The following RASSF3 variants were observed in gnomAD, a reference collection of about 807,000 sequenced individuals.
RASSF3 encodes Ras association domain family member 3.
A neutral mutation model predicts 19.9 loss-of-function variants in RASSF3; 19 were observed. That is an observed-to-expected ratio of 0.96 (90% CI 0.67 to 1.40). The LOEUF (loss-of-function observed/expected upper bound fraction) is 1.40, where lower values mean the gene tolerates loss of function less well. RASSF3 is among the 40% of genes most tolerant of loss of function. The probability of loss-of-function intolerance (pLI) is 0.00; values close to 1 mark genes in which losing one functional copy is unlikely to be tolerated. For missense variants in RASSF3, 306 were observed against 289.8 expected, an observed-to-expected ratio of 1.06 and a Z score of -0.41; for synonymous variants, 110 against 104.2, an observed-to-expected ratio of 1.06 and a Z score of -0.34.
chr12:64,650,065 T>C (rs186827333), intron 1 of RASSF3, among the ~76,000 whole-genome samples: 43 of 152,342 alleles, frequency 2.8e-4, no homozygotes, highest in African/African-American at 1.0e-3. Flanking sequence ...CATTGTTTAG[T>C]GGGACCATTT....
intron 2 of RASSF3, among the ~76,000 whole-genome samples, chr12:64,577,956 T>C (rs1183230227): frequency 6.6e-6 from 1 of 151,654 alleles, no homozygotes; most frequent in African/African-American, 2.4e-5. Context: ...TGATGGCTCA[T>C]GCCTGTAATC....
chr12:64,688,894 A>G (rs1873465328), intron 3 of RASSF3, among the ~76,000 whole-genome samples: 1 of 152,216 alleles, frequency 6.6e-6, no homozygotes, highest in Admixed American at 6.5e-5. Flanking sequence ...CTGGGGAGGC[A>G]CATGTGCATC....
intron 1 of RASSF3, among the ~76,000 whole-genome samples, chr12:64,523,952 C>A (rs939215627): frequency 2.0e-5 from 3 of 151,934 alleles, no homozygotes; most frequent in African/African-American, 7.2e-5. Flanking sequence ...CTGAGCTCAT[C>A]GGGGTGACTA....
At chr12:64,559,238 CT>C (rs933679839) in intron 2 of RASSF3, among the ~76,000 whole-genome samples, 9 of 147,714 alleles carry the variant, frequency 6.1e-5, no homozygotes, top group African/African-American at 1.2e-4. Flanking sequence ...TTCTTTTCTT[CT>C]TTTTTTCTTT....
chr12:64,606,817 A>AAAAAC (rs370857118), upstream of RASSF3, among the ~76,000 whole-genome samples: 7 of 152,186 alleles, frequency 4.6e-5, no homozygotes, highest in African/African-American at 1.4e-4. Context: ...TGCGTCTCAA[A>AAAAAC]AAAACAAAAC....
intron 1 of RASSF3, among the ~76,000 whole-genome samples, chr12:64,657,545 AC>A (rs960238591): frequency 1.3e-5 from 2 of 152,218 alleles, no homozygotes; most frequent in Admixed American, 1.3e-4. Flanking sequence ...CAGGCCAGGC[AC>A]CCTTTTCAGT....
chr12:64,688,250 T>G lies in RASSF3; in HGVS notation c.254T>G (p.Val85Gly). The G allele has an allele frequency of 6.2e-7, 1 of 1,614,146 alleles. No individual in the cohort carries two copies. Among genetic ancestry groups the G allele is most frequent in the Non-Finnish European group, 8.5e-7 (1 of 1,179,956 alleles). ...GGGATTTACACTGGCTTCATTAAAG[T>G]ACAGATGGAACTCTGCAAACCTCCA... ...SNGIYTGFIK[V>G]QMELCKPPQT... The change falls in exon 3 of 5, where the codon GTA becomes GGA. Residue 85 changes from valine (V) to glycine (G), a missense_variant. Transcript: ENST00000542104.
intron 1 of RASSF3, among the ~76,000 whole-genome samples, chr12:64,627,373 G>A (rs12230536): frequency 0.11 from 16,621 of 152,204 alleles, 1,050 homozygotes; most frequent in East Asian, 0.29. Flanking sequence ...TGATGATTGT[G>A]TTTATGAAGC....
chr12:64,537,129 C>A (rs1868844517), intron 1 of RASSF3, among the ~76,000 whole-genome samples: 1 of 152,168 alleles, frequency 6.6e-6, no homozygotes, highest in African/African-American at 2.4e-5. Flanking sequence ...TATTTCTCCC[C>A]CTATCTCTCT....
In RASSF3 at chr12:64,696,523, ATTG is replaced by A. The variant is rs2136228938; in HGVS notation, c.*1614_*1616del. On this transcript the variant is annotated 3_prime_UTR_variant, in exon 5 of 5. Coordinates refer to ENST00000542104, the MANE Select transcript of RASSF3 (RefSeq NM_178169.4). Reference sequence around the variant, plus strand: ...TTTTTTGTTTATAAATTCCCAAGGAATTGTTAACACTTTGGTGACACCTAATGG... The same window carrying A: ...TTTTTTGTTTATAAATTCCCAAGGAATTAACACTTTGGTGACACCTAATGG... 1 of 152,196 alleles carries A rather than the reference ATTG, an allele frequency of 6.6e-6. No homozygotes were observed. The highest frequency in any genetic ancestry group is 2.4e-5 in the African/African-American group (1 of 41,528). 9.4% of individuals were successfully genotyped at this position (152,196 alleles called of 1,614,324 possible).
chr12:64,544,357 T>C (rs1238576737), downstream of RASSF3, among the ~76,000 whole-genome samples: 1 of 151,980 alleles, frequency 6.6e-6, no homozygotes, highest in Non-Finnish European at 1.5e-5. Flanking sequence ...GGAACAAACT[T>C]CTAACACATC....
intron 1 of RASSF3, among the ~76,000 whole-genome samples, chr12:64,668,958 C>T (rs1002565305): frequency 6.6e-6 from 1 of 151,976 alleles, no homozygotes. Context: ...TGTGAGCTAC[C>T]GCACCCAGCC....
rs1327375986 is a variant in RASSF3, at chr12:64,680,620, G to GT, written c.112-4162dup. Among the ~76,000 whole-genome samples, 6 of 150,750 alleles carry GT rather than the reference G, an allele frequency of 4.0e-5. No homozygotes were observed. In the East Asian group the frequency reaches 1.2e-3, roughly 29 times the overall value. ...TTCCAGCTGATCTTTGTTTTTTTTT[G>GT]TTTTTGTTTTTGAGACAGAGTCTCG... On this transcript the variant is annotated intron_variant, in intron 1 of 4. Transcript: ENST00000542104.
At chr12:64,516,618 C>CAAAAAA (rs200931603) in intron 1 of RASSF3, among the ~76,000 whole-genome samples, 2 of 109,128 alleles carry the variant, frequency 1.8e-5, no homozygotes, top group African/African-American at 6.6e-5. Context: ...GACTCCGTCT[C>CAAAAAA]AAAAAAAAAA....
chr12:64,548,320 G>A (rs1869103521), intron 2 of RASSF3, among the ~76,000 whole-genome samples: 1 of 151,720 alleles, frequency 6.6e-6, no homozygotes, highest in Non-Finnish European at 1.5e-5. Context: ...CCATGGGCAG[G>A]CACCATCATG....
intron 1 of RASSF3, among the ~76,000 whole-genome samples, chr12:64,639,265 G>T (rs1394357028): frequency 2.6e-5 from 4 of 152,054 alleles, no homozygotes; most frequent in South Asian, 2.1e-4. Flanking sequence ...CTTATGTAAA[G>T]TTCCATCTAA....
upstream of RASSF3, among the ~76,000 whole-genome samples, chr12:64,531,035 T>C (rs1868697164): frequency 6.6e-6 from 1 of 152,190 alleles, no homozygotes; most frequent in African/African-American, 2.4e-5. Context: ...TGACGAGTAG[T>C]TCCTAATTTT....
intron 2 of RASSF3, among the ~76,000 whole-genome samples, chr12:64,580,160 A>G (rs1592407171): frequency 6.6e-6 from 1 of 152,210 alleles, no homozygotes; most frequent in African/African-American, 2.4e-5. Flanking sequence ...CTTAGGTCCC[A>G]TAGAATCACA....
chr12:64,631,907 C>G (rs2682721), intron 1 of RASSF3, among the ~76,000 whole-genome samples: 120,922 of 151,876 alleles, frequency 0.8, 48,534 homozygotes, highest in African/African-American at 0.87. Context: ...GAGAGGACTT[C>G]AATGGAAAGA....
Sources: allele counts gnomAD v4.1 joint callset (sites outside exome capture counted in the v4.1 genomes callset), GRCh38; gene constraint gnomAD v4.1.1; transcripts MANE v1.5; gene names NCBI Gene and HGNC (gene_info 2026-07-23, HGNC 2026-07-21).